The following ZSWIM2 variants were observed in gnomAD, a reference collection of about 807,000 sequenced individuals.
ZSWIM2 encodes the protein E3 ubiquitin-protein ligase ZSWIM2.
Under a neutral mutation model 48.4 loss-of-function variants are expected in ZSWIM2, and 38 were observed. The observed-to-expected ratio is 0.79, with a 90% CI of 0.61 to 1.03. The LOEUF is 1.03. Among genes scored for constraint, ZSWIM2 ranks in the 50% least tolerant of loss-of-function variants. The probability of loss-of-function intolerance (pLI) is 0.00; values close to 1 mark genes in which losing one functional copy is unlikely to be tolerated. For missense variants in ZSWIM2, 776 were observed against 730.2 expected (o/e 1.06, Z -0.72); for synonymous variants, 240 against 251.3 (o/e 0.96, Z 0.42).
intron 3 of ZSWIM2, among the ~76,000 whole-genome samples, chr2:186,842,276 T>C (rs1374487996): frequency 6.6e-6 from 1 of 151,394 alleles, no homozygotes; most frequent in African/African-American, 2.4e-5. Context: ...TTATTCTAGC[T>C]TTAATTTAAA....
In ZSWIM2 at chr2:186,839,010, G is replaced by C; in HGVS notation, c.443C>G (p.Ser148Cys). 6.2e-7 allele frequency: 1 copy of C among 1,611,388 alleles called. No homozygotes were observed. The change falls in exon 4 of 9, where the codon TCT (serine) becomes TGT (cysteine). Residue 148 changes from serine (S) to cysteine (C), a missense_variant. Coordinates refer to ENST00000295131, the MANE Select transcript of ZSWIM2 (RefSeq NM_182521.3). ...QKEIDSEDIC[S>C]ICQELLLEKK... is the part of the protein sequence containing the mutation. Reference sequence around the variant, plus strand: ...CTCTAAAAGTAGCTCTTGACAAATAGAGCAGATATCCTCTGAATCAATTTC... The same window carrying C: ...CTCTAAAAGTAGCTCTTGACAAATACAGCAGATATCCTCTGAATCAATTTC...
At chr2:186,844,148 A>C (rs755407879) in intron 3 of ZSWIM2, among the ~76,000 whole-genome samples, 2 of 151,638 alleles carry the variant, frequency 1.3e-5, no homozygotes, top group African/African-American at 2.4e-5. Context: ...GTACAAATTT[A>C]AGTGACCTGT....
chr2:186,838,629 G>C (rs960283568), intron 4 of ZSWIM2, among the ~76,000 whole-genome samples: 1 of 148,112 alleles, frequency 6.8e-6, no homozygotes, highest in African/African-American at 2.5e-5. Context: ...TTTAGAGTAA[G>C]AGCATATATT....
Position 186,827,927 on chromosome 2 carries a change from C to T in ZSWIM2, c.*57G>A. The T allele has an allele frequency of 7.4e-7, 1 of 1,356,030 alleles. No homozygotes were observed. Among genetic ancestry groups the T allele is most frequent in the Non-Finnish European group, 9.8e-7 (1 of 1,018,188 alleles). 84.0% of individuals were successfully genotyped at this position (1,356,030 alleles called of 1,614,324 possible). On this transcript the variant is annotated 3_prime_UTR_variant, in exon 9 of 9. Coordinates refer to ENST00000295131, the MANE Select transcript of ZSWIM2 (RefSeq NM_182521.3). ...CAAGACTATGTGTGCTTTTTATGTT[C>T]TATATAAAACATTTTTTTATATTCA...
At chr2:186,830,682 T>C (rs1691683465) in intron 7 of ZSWIM2, among the ~76,000 whole-genome samples, 1 of 128,952 alleles carries the variant, frequency 7.8e-6, no homozygotes, top group African/African-American at 3.6e-5. Context: ...ACCACTTCAA[T>C]ACTGTTAGAC....
chr2:186,828,123 A>G lies in ZSWIM2; in HGVS notation c.1763T>C (p.Leu588Pro), dbSNP rs112112479. The change falls in exon 9 of 9, where the codon CTT becomes CCT. Residue 588 changes from leucine to proline, a missense_variant. Transcript: ENST00000295131. ...NLIVNWSTAK[L>P]SLSKRYSNCM... ...GTTACTATACCTTTTAGACAAACTA[A>G]GTTTAGCTGTGCTCCAATTGACAAT... 5.6e-6 allele frequency: 9 copies of G among 1,613,542 alleles called. No homozygotes were observed. Among genetic ancestry groups the G allele is most frequent in the African/African-American group, 5.3e-5 (4 of 75,004 alleles).
rs749768175 is a variant in ZSWIM2 at position 186,844,751 on chromosome 2, C to T, written c.249G>A (p.Leu83=). The T allele has an allele frequency of 4.5e-6, 7 of 1,560,446 alleles. No homozygotes were observed. In the East Asian group the frequency reaches 1.6e-4, roughly 37 times the overall value. ...TCCTTGGAAGCTTGAATTTTTTCAA[C>T]AAGACCCTAACATTCACAAGTAGAA... The part of the protein sequence containing the change: ...GELCKHICWV[L]LKKFKLPRNH... The change falls in exon 3 of 9, where the codon TTG becomes TTA. Residue 83 remains leucine, a synonymous_variant. Transcript: ENST00000295131.
chr2:186,837,099 G>A (rs1269149807), intron 5 of ZSWIM2, among the ~76,000 whole-genome samples: 1 of 152,038 alleles, frequency 6.6e-6, no homozygotes, highest in Non-Finnish European at 1.5e-5. Flanking sequence ...CCCTTGAACA[G>A]GAGAAGAAAA....
chr2:186,837,612 GTATATA>G, intron 4 of ZSWIM2, 58 bp from the exon 5 acceptor site: 2 of 487,650 alleles, frequency 4.1e-6, no homozygotes, highest in Non-Finnish European at 3.2e-6. Context: ...CATATCCATT[GTATATA>G]TATATATATA....
At chr2:186,830,225 T>C (rs10191209) in intron 7 of ZSWIM2, among the ~76,000 whole-genome samples, 27,700 of 151,644 alleles carry the variant, frequency 0.18, 3,844 homozygotes, top group African/African-American at 0.4. Flanking sequence ...AATAAAAATA[T>C]AGAAAAATTA....
intron 7 of ZSWIM2, among the ~76,000 whole-genome samples, chr2:186,832,479 T>C (rs1691719286): frequency 6.6e-6 from 1 of 152,124 alleles, no homozygotes. Context: ...TCTCCACTAA[T>C]AATGTTCTTA....
Position 186,844,645 on chromosome 2 carries a change from A to C in ZSWIM2, c.283+72T>G. The stretch of plus-strand genomic sequence containing the variant: ...AAATTTAGAAAATGTTAAATAAAAC[A>C]TTCTTATATTTGTTAACTTCAAAGT... On this transcript the variant is annotated intron_variant, in intron 3 of 8. Coordinates refer to ENST00000295131, the MANE Select transcript of ZSWIM2 (RefSeq NM_182521.3). The C allele has an allele frequency of 2.1e-6, 3 of 1,400,384 alleles. 1 individual carries two copies. The South Asian group carries it at 4.2e-5, about 20-fold the overall frequency. 86.7% of individuals were successfully genotyped at this position (1,400,384 alleles called of 1,614,324 possible).
Position 186,827,538 on chromosome 2 carries a change from A to G in ZSWIM2, c.*446T>C, listed in dbSNP as rs911960702. ...ATTTTATGTATAAGAAAACTCCTTTATGGAGTTTTTTAAGGTTTTTTTTTA... is the reference window on the plus strand; with the variant it reads ...ATTTTATGTATAAGAAAACTCCTTTGTGGAGTTTTTTAAGGTTTTTTTTTA... On this transcript the variant is annotated 3_prime_UTR_variant, in exon 9 of 9. Coordinates refer to ENST00000295131, the MANE Select transcript of ZSWIM2 (RefSeq NM_182521.3). Among the ~76,000 whole-genome samples the G allele has an allele frequency of 3.4e-5, 5 of 147,174 alleles. No individual in the cohort carries two copies. Among genetic ancestry groups the G allele is most frequent in the Non-Finnish European group, 7.6e-5 (5 of 65,638 alleles).
chr2:186,827,717 C>A lies in ZSWIM2; in HGVS notation c.*267G>T, dbSNP rs12612668. ...TTTCCTTAATTTAAGTAAAACATTT[C>A]TAAAATCAGAGTAAAATAAGATAAA... On this transcript the variant is annotated 3_prime_UTR_variant, in exon 9 of 9. Coordinates refer to ENST00000295131, the MANE Select transcript of ZSWIM2 (RefSeq NM_182521.3). 48,817 of 206,772 alleles carry A rather than the reference C, an allele frequency of 0.24. 6,484 individuals carry two copies. Among genetic ancestry groups the A allele is most frequent in the Middle Eastern group, 0.3 (167 of 550 alleles). The allele number at this position is 206,772 out of a possible 1,614,324, so 12.8% of individuals were successfully genotyped here.
rs199759444 is a variant in ZSWIM2, at chr2:186,828,097, A to T, written c.1789T>A (p.Cys597Ser). The T allele has an allele frequency of 6.2e-7, 1 of 1,613,458 alleles. No individual in the cohort carries two copies. Among genetic ancestry groups the T allele is most frequent in the Non-Finnish European group, 8.5e-7 (1 of 1,179,680 alleles). Reference sequence around the variant, plus strand: ...CATTTTCGTGTAATTTCCCCCATACAGTTACTATACCTTTTAGACAAACTA... The same window carrying T: ...CATTTTCGTGTAATTTCCCCCATACTGTTACTATACCTTTTAGACAAACTA... ...KLSLSKRYSN[C>S]MGEITRKCSH... Residue 597 changes from cysteine to serine, a missense_variant, in exon 9 of 9, where the codon TGT becomes AGT. By Grantham distance (112) the Cys-to-Ser change is moderately radical. Transcript: ENST00000295131.
At chr2:186,831,964 T>G (rs947240309) in intron 7 of ZSWIM2, among the ~76,000 whole-genome samples, 1 of 152,100 alleles carries the variant, frequency 6.6e-6, no homozygotes, top group African/African-American at 2.4e-5. Context: ...ACATGGCACA[T>G]GTATACATAT....
chr2:186,841,665 A>G (rs1691904979), intron 3 of ZSWIM2, among the ~76,000 whole-genome samples: 1 of 151,404 alleles, frequency 6.6e-6, no homozygotes, highest in African/African-American at 2.4e-5. Flanking sequence ...TACCATATTT[A>G]GTGAAATATT....
At chr2:186,836,272 C>A (rs537922812) in intron 5 of ZSWIM2, among the ~76,000 whole-genome samples, 15 of 152,074 alleles carry the variant, frequency 9.9e-5, no homozygotes, top group Non-Finnish European at 2.2e-4. Context: ...TCAAGTCCTT[C>A]CTTTTCCTGG....
chr2:186,848,815 G>T, intron 1 of ZSWIM2, 151 bp downstream of exon 1: 1 of 948,876 alleles, frequency 1.1e-6, no homozygotes, highest in Non-Finnish European at 1.6e-6. Context: ...GTATTTTAGA[G>T]TCTGGAACAC....
Sources: allele counts gnomAD v4.1 joint callset (sites outside exome capture counted in the v4.1 genomes callset), GRCh38; gene constraint gnomAD v4.1.1; transcripts MANE v1.5; gene names NCBI Gene and HGNC (gene_info 2026-07-23, HGNC 2026-07-21).